The following M1AP variants were observed in gnomAD, a reference collection of about 807,000 sequenced individuals.
M1AP encodes meiosis 1 associated protein, also known as meiosis 1 arrest protein.
In M1AP, 39 loss-of-function variants were observed where a neutral mutation model predicts 51.2. The observed-to-expected ratio is 0.76, with a 90% CI of 0.59 to 1.00. The LOEUF (loss-of-function observed/expected upper bound fraction) is 1.00. M1AP is among the 50% of genes least tolerant of loss of function. The pLI, the probability that M1AP is intolerant of heterozygous loss-of-function variation, is 0.00. For synonymous variants in M1AP, 251 were observed against 249.2 expected, an observed-to-expected ratio of 1.01 and a Z score of -0.07; for missense variants, 545 against 641.2, an observed-to-expected ratio of 0.85 and a Z score of 1.62.
chr2:74,642,762 G>C (rs1013056689), intron 1 of M1AP, among the ~76,000 whole-genome samples: 1 of 152,096 alleles, frequency 6.6e-6, no homozygotes, highest in Non-Finnish European at 1.5e-5. Flanking sequence ...TTTAGTCTTA[G>C]GGATCTGTTG....
chr2:74,612,995 T>C (rs1416698764), intron 3 of M1AP, among the ~76,000 whole-genome samples: 1 of 152,156 alleles, frequency 6.6e-6, no homozygotes. Context: ...TTCTCTTTGC[T>C]TTTTCAGATT....
intron 2 of M1AP, among the ~76,000 whole-genome samples, chr2:74,626,394 G>A (rs536737595): frequency 1.6e-4 from 24 of 151,514 alleles, no homozygotes; most frequent in African/African-American, 4.8e-4. Context: ...TAGGATTACA[G>A]TTGCAGGCCA....
chr2:74,595,748 A>G (rs1680296557), intron 4 of M1AP, among the ~76,000 whole-genome samples: 1 of 152,200 alleles, frequency 6.6e-6, no homozygotes, highest in Non-Finnish European at 1.5e-5. Context: ...CTTAATAGCA[A>G]GTTTTCTATA....
At chr2:74,624,631 G>A (rs948294608) in intron 2 of M1AP, among the ~76,000 whole-genome samples, 3 of 152,248 alleles carry the variant, frequency 2.0e-5, no homozygotes, top group African/African-American at 4.8e-5. Flanking sequence ...CAGCATAAAT[G>A]TATTTTTAAT....
intron 3 of M1AP, among the ~76,000 whole-genome samples, chr2:74,611,531 T>A (rs1372656922): frequency 6.6e-6 from 1 of 152,248 alleles, no homozygotes; most frequent in Non-Finnish European, 1.5e-5. Context: ...GTCTCCTTTT[T>A]AATCTCTGAT....
At chr2:74,561,555 C>A (rs181414178) in intron 8 of M1AP, among the ~76,000 whole-genome samples, 1 of 152,174 alleles carries the variant, frequency 6.6e-6, no homozygotes, top group African/African-American at 2.4e-5. Context: ...CACAAAGACA[C>A]GAAAACCCAT....
chr2:74,575,601 C>G lies in M1AP; in HGVS notation c.933-22G>C, dbSNP rs6546912. On this transcript the variant is annotated intron_variant, in intron 6 of 10. Transcript: ENST00000421985. ...AGCCCTAGGAAGAGATAATTACAGT[C>G]AAAGACTCCTTAGTGATATCTAGAA... 43,623 of 1,592,094 alleles carry G rather than the reference C, an allele frequency of 0.027. 4,371 individuals are homozygous for G. The African/African-American group carries it at 0.32, about 12-fold the overall frequency.
At chr2:74,603,299 G>A (rs1238101909) in intron 4 of M1AP, among the ~76,000 whole-genome samples, 1 of 152,246 alleles carries the variant, frequency 6.6e-6, no homozygotes, top group Non-Finnish European at 1.5e-5. Context: ...AAATGAGTAA[G>A]ACAAGTTTCT....
intron 2 of M1AP, among the ~76,000 whole-genome samples, chr2:74,631,505 A>G (rs1682702667): frequency 6.6e-6 from 1 of 152,110 alleles, no homozygotes; most frequent in African/African-American, 2.4e-5. Context: ...TTAATATATT[A>G]TATCTCTATT....
chr2:74,643,807 G>C (rs1683450531), intron 1 of M1AP, among the ~76,000 whole-genome samples: 1 of 151,906 alleles, frequency 6.6e-6, no homozygotes, highest in Non-Finnish European at 1.5e-5. Context: ...TGTTGCCCAG[G>C]CTGGTCTCAA....
At chr2:74,581,649 T>C in intron 5 of M1AP, 25 bp downstream of exon 5, 1 of 1,606,152 alleles carries the variant, frequency 6.2e-7, no homozygotes, top group Non-Finnish European at 8.5e-7. Context: ...AATCATAGCC[T>C]AAATATCTTT....
chr2:74,570,826 A>AT (rs202047319), intron 7 of M1AP, among the ~76,000 whole-genome samples: 4,718 of 152,262 alleles, frequency 0.031, 243 homozygotes, highest in African/African-American at 0.11. Flanking sequence ...GCCACAAAGT[A>AT]TTTTTCAGCT....
At chr2:74,646,064 T>C (rs541698922) in intron 1 of M1AP, among the ~76,000 whole-genome samples, 2 of 152,218 alleles carry the variant, frequency 1.3e-5, no homozygotes, top group African/African-American at 4.8e-5. Flanking sequence ...TATACTGATA[T>C]AGCGTACTGA....
At chr2:74,581,537 T>C (rs1679404132) in intron 5 of M1AP, 137 bp downstream of exon 5, 4 of 774,846 alleles carry the variant, frequency 5.2e-6, no homozygotes, top group Non-Finnish European at 8.3e-6. Context: ...CTCACGCTTA[T>C]ATTGGACAGC....
In M1AP at chr2:74,615,121, T is replaced by G. The variant is rs1468262766; in HGVS notation, c.269A>C (p.Gln90Pro). 2 of 1,614,088 alleles carry G rather than the reference T, an allele frequency of 1.2e-6. No homozygotes were observed. Among genetic ancestry groups the G allele is most frequent in the Non-Finnish European group, 1.7e-6 (2 of 1,180,028 alleles). ...CATGCGGAGTTCTGAGATGCAGGTC[T>G]GCAACCTAGCAAAGTTCCCTTTCAC... ...VQVKGNFARL[Q>P]TCISELRMLQ... The change falls in exon 3 of 11, where the codon CAG becomes CCG. Residue 90 changes from glutamine (Q) to proline (P), a missense_variant. Gln to Pro is a moderately conservative substitution (Grantham distance 76, BLOSUM62 -1). Coordinates refer to ENST00000421985, the MANE Select transcript of M1AP (RefSeq NM_001321739.2).
At chr2:74,623,419 C>T (rs1237436623) in intron 2 of M1AP, among the ~76,000 whole-genome samples, 1 of 151,464 alleles carries the variant, frequency 6.6e-6, no homozygotes, top group African/African-American at 2.4e-5. Context: ...GGGAGAATGG[C>T]TTGAGCCCAG....
chr2:74,618,809 G>A (rs1044925223), intron 2 of M1AP: 3 of 334,288 alleles, frequency 9.0e-6, no homozygotes, highest in Non-Finnish European at 1.8e-5. Flanking sequence ...GGTCCCTCGT[G>A]TGCTGAGCCT....
chr2:74,634,641 A>G (rs1040315945), intron 2 of M1AP, among the ~76,000 whole-genome samples: 1 of 152,146 alleles, frequency 6.6e-6, no homozygotes, highest in Non-Finnish European at 1.5e-5. Flanking sequence ...TCTCAATCTT[A>G]GGGGGAAAGC....
chr2:74,581,928 CTTTTT>C (rs1558658819), intron 4 of M1AP, 81 bp from the exon 5 acceptor site: 9 of 1,326,118 alleles, frequency 6.8e-6, no homozygotes, highest in East Asian at 2.4e-5. Flanking sequence ...TCCATCTTTT[CTTTTT>C]TGAGACGGGG....
Sources: allele counts gnomAD v4.1 joint callset (sites outside exome capture counted in the v4.1 genomes callset), GRCh38; gene constraint gnomAD v4.1.1; transcripts MANE v1.5; gene names NCBI Gene and HGNC (gene_info 2026-07-23, HGNC 2026-07-21).